Variants in LDLRAD3 observed in about 807,000 individuals in gnomAD.
The protein encoded by LDLRAD3 is low density lipoprotein receptor class A domain containing 3.
Under a neutral mutation model 29.4 loss-of-function variants are expected in LDLRAD3, and 20 were observed. The observed-to-expected ratio is 0.68, with a 90% CI of 0.48 to 0.99. LDLRAD3 has a LOEUF of 0.99. LDLRAD3 is among the 50% of genes least tolerant of loss of function. The pLI, the probability that LDLRAD3 is intolerant of heterozygous loss-of-function variation, is 0.00. For synonymous variants in LDLRAD3, 157 were observed against 192.7 expected (o/e 0.81, Z 1.53); for missense variants, 420 against 454.3 (o/e 0.92, Z 0.69).
chr11:35,976,248 G>A (rs577815562), intron 1 of LDLRAD3, among the ~76,000 whole-genome samples: 22 of 152,186 alleles, frequency 1.4e-4, no homozygotes, highest in African/African-American at 5.3e-4. Flanking sequence ...ATTTGAACTT[G>A]GAAGTGTACA....
chr11:35,961,844 A>G (rs1851281832), intron 1 of LDLRAD3, among the ~76,000 whole-genome samples: 2 of 152,220 alleles, frequency 1.3e-5, no homozygotes, highest in African/African-American at 4.8e-5. Flanking sequence ...TAATCACATC[A>G]TGGAGAATGG....
At chr11:35,984,975 T>C (rs1196965934) in intron 1 of LDLRAD3, among the ~76,000 whole-genome samples, 1 of 149,844 alleles carries the variant, frequency 6.7e-6, no homozygotes, top group East Asian at 2.0e-4. Context: ...GGTCCCACTA[T>C]GTGCAGTGGC....
At chr11:36,001,214 A>G (rs1225223303) in intron 1 of LDLRAD3, 1 of 152,072 alleles carries the variant, frequency 6.6e-6, no homozygotes, top group Non-Finnish European at 1.5e-5. Context: ...TTTTGTTTTT[A>G]TTATACTTTT....
At chr11:36,013,766 C>T (rs1590206142) in intron 1 of LDLRAD3, among the ~76,000 whole-genome samples, 1 of 134,638 alleles carries the variant, frequency 7.4e-6, no homozygotes, top group Non-Finnish European at 1.6e-5. Context: ...GTTTGCAAAC[C>T]CCCAGGGGAG....
At chr11:35,995,791 A>G (rs1851746223) in intron 1 of LDLRAD3, among the ~76,000 whole-genome samples, 1 of 152,194 alleles carries the variant, frequency 6.6e-6, no homozygotes, top group African/African-American at 2.4e-5. Flanking sequence ...TTGTATTTTT[A>G]TATTACAGAG....
At chr11:36,046,626 G>T (rs932603530) in intron 2 of LDLRAD3, among the ~76,000 whole-genome samples, 1 of 152,032 alleles carries the variant, frequency 6.6e-6, no homozygotes, top group Non-Finnish European at 1.5e-5. Context: ...CAAATATAAG[G>T]TCACATTCAC....
At chr11:36,036,514 G>C (rs1289666426) in intron 2 of LDLRAD3, among the ~76,000 whole-genome samples, 1 of 152,104 alleles carries the variant, frequency 6.6e-6, no homozygotes, top group East Asian at 1.9e-4. Context: ...CCCTACCCTG[G>C]AGTCCCATCC....
chr11:35,968,368 G>A, intron 1 of LDLRAD3: 1 of 365,352 alleles, frequency 2.7e-6, no homozygotes, highest in South Asian at 2.7e-5. Context: ...GCGGGCTTTT[G>A]GGAGTAGAGG....
chr11:36,098,212 A>G, intron 3 of LDLRAD3, 115 bp from the exon 4 acceptor site: 15 of 1,269,508 alleles, frequency 1.2e-5, no homozygotes, highest in Non-Finnish European at 1.4e-5. Context: ...CTGCCAGCTT[A>G]GAAGATAAGC....
At chr11:36,117,138 A>G (rs1172223611) in intron 4 of LDLRAD3, among the ~76,000 whole-genome samples, 1 of 152,118 alleles carries the variant, frequency 6.6e-6, no homozygotes, top group Non-Finnish European at 1.5e-5. Context: ...TTATACAGGT[A>G]TGAGCCACCG....
At chr11:36,159,714 A>C (rs927800478) in intron 4 of LDLRAD3, among the ~76,000 whole-genome samples, 9 of 150,630 alleles carry the variant, frequency 6.0e-5, no homozygotes, top group Non-Finnish European at 1.3e-4. Context: ...TTGAGGCTGC[A>C]GTAAGCCCAG....
At chr11:35,960,679 C>A (rs951694034) in intron 1 of LDLRAD3, among the ~76,000 whole-genome samples, 1 of 152,112 alleles carries the variant, frequency 6.6e-6, no homozygotes. Flanking sequence ...TCACTGCAAC[C>A]CCCCGCCTGT....
At chr11:36,205,918 C>G (rs1855200682) in intron 4 of LDLRAD3, among the ~76,000 whole-genome samples, 1 of 152,138 alleles carries the variant, frequency 6.6e-6, no homozygotes, top group South Asian at 2.1e-4. Context: ...GTTCCTGCTC[C>G]CTGGGTCTCC....
chr11:35,968,233 TG>T, intron 1 of LDLRAD3: 1 of 405,378 alleles, frequency 2.5e-6, no homozygotes, highest in East Asian at 6.5e-5. Context: ...GACTTTGGGG[TG>T]AAGGGATTAG....
chr11:36,161,940 G>T (rs1854445972), intron 4 of LDLRAD3, among the ~76,000 whole-genome samples: 2 of 152,154 alleles, frequency 1.3e-5, no homozygotes, highest in African/African-American at 4.8e-5. Context: ...AACATCTATC[G>T]AGAGTTGTGC....
At chr11:36,078,862 G>A (rs1054603892) in intron 2 of LDLRAD3, among the ~76,000 whole-genome samples, 4 of 152,132 alleles carry the variant, frequency 2.6e-5, no homozygotes, top group African/African-American at 4.8e-5. Context: ...CAGGTGGTAC[G>A]GCAGCCCCAG....
rs775963709 is a variant in LDLRAD3 at position 36,098,319 on chromosome 11, C to T, written c.320-8C>T. The T allele has an allele frequency of 2.5e-6, 4 of 1,613,710 alleles. No homozygotes were observed. Among genetic ancestry groups the T allele is most frequent in the African/African-American group, 1.3e-5 (1 of 75,060 alleles). On this transcript the variant is annotated splice_region_variant and splice_polypyrimidine_tract_variant and intron_variant, in intron 3 of 5. Transcript: ENST00000315571. The stretch of plus-strand genomic sequence containing the variant: ...TCCCTGGTAATGTGCTGTGTTTTCC[C>T]TCTGCAGCAGCAAACCCTCTGCTTT...
Position 36,075,812 on chromosome 11 carries a change from T to C in LDLRAD3, c.194-5841T>C, listed in dbSNP as rs546454283. ...ATCCTTATTTTGTTGGCCTCAGATA[T>C]TTATTTTATTCTCTGTGTCATAATC... On this transcript the variant is annotated intron_variant, in intron 2 of 5. Coordinates refer to ENST00000315571, the MANE Select transcript of LDLRAD3 (RefSeq NM_174902.4). Among the ~76,000 whole-genome samples the C allele has an allele frequency of 2.0e-5, 3 of 152,364 alleles. No individual in the cohort carries two copies. The East Asian group carries it at 5.8e-4, about 29-fold the overall frequency.
chr11:36,183,601 C>G (rs1354768380), intron 4 of LDLRAD3, among the ~76,000 whole-genome samples: 1 of 152,184 alleles, frequency 6.6e-6, no homozygotes, highest in Non-Finnish European at 1.5e-5. Context: ...TATAGATGGA[C>G]ACCACACCTG....
Sources: gnomAD v4.1 joint callset for allele counts (sites outside exome capture counted in the v4.1 genomes callset) on GRCh38, gnomAD v4.1.1 for gene constraint, MANE v1.5 for transcripts, NCBI Gene and HGNC (gene_info 2026-07-23, HGNC 2026-07-21) for gene names.